The following AQP9 variants were observed in gnomAD, a reference collection of about 807,000 sequenced individuals.
The protein encoded by AQP9 is aquaporin 9, also known as aquaporin-9.
AQP9 carries 19 observed loss-of-function variants against 23.8 expected under a neutral mutation model. That is an observed-to-expected ratio of 0.80 (90% CI 0.56 to 1.17). The LOEUF is 1.17. Among genes scored for constraint, AQP9 ranks in the 50% most tolerant of loss-of-function variants. AQP9 has a pLI of 0.00. For missense variants in AQP9, 413 were observed against 362.0 expected, an observed-to-expected ratio of 1.14 and a Z score of -1.14; for synonymous variants, 153 against 131.5, an observed-to-expected ratio of 1.16 and a Z score of -1.12.
rs376510086 is a variant in AQP9 at position 58,160,510 on chromosome 15, T to A, written c.112-6163T>A. On this transcript the variant is annotated intron_variant, in intron 1 of 5. Coordinates refer to ENST00000219919, the MANE Select transcript of AQP9 (RefSeq NM_020980.5). ...TTTTGTGCCCTTGCTTAAGTTTAGA[T>A]ATTTTAATATCTTTCATCAAATATT... Among the ~76,000 whole-genome samples, 7 of 152,182 alleles carry A rather than the reference T, an allele frequency of 4.6e-5. No homozygotes were observed. In the East Asian group the frequency reaches 1.2e-3, roughly 25 times the overall value.
At chr15:58,181,579 T>C (rs964382562) in intron 5 of AQP9, among the ~76,000 whole-genome samples, 2 of 152,140 alleles carry the variant, frequency 1.3e-5, no homozygotes, top group Admixed American at 1.3e-4. Flanking sequence ...TCACAAGTGA[T>C]CTAGTCTAGC....
At chr15:58,156,466 C>T (rs547547820) in intron 1 of AQP9, among the ~76,000 whole-genome samples, 5 of 152,116 alleles carry the variant, frequency 3.3e-5, no homozygotes, top group South Asian at 2.1e-4. Context: ...TAAGCCAACA[C>T]GAATATCAAC....
chr15:58,178,352 A>C (rs1164908668), intron 4 of AQP9, among the ~76,000 whole-genome samples: 1 of 152,222 alleles, frequency 6.6e-6, no homozygotes, highest in East Asian at 1.9e-4. Flanking sequence ...CAGTAGACTA[A>C]AAAAAGAGTA....
At chr15:58,152,863 A>G (rs1898176884) in intron 1 of AQP9, 1 of 152,150 alleles carries the variant, frequency 6.6e-6, no homozygotes, top group Non-Finnish European at 1.5e-5. Context: ...TTTCCACAAT[A>G]TTTATCCCAG....
rs949502825 is a variant in AQP9, at chr15:58,184,217, C to T, written c.*82C>T. 38 of 1,452,184 alleles carry T rather than the reference C, an allele frequency of 2.6e-5. No homozygotes were observed. The South Asian group carries it at 4.9e-4, about 19-fold the overall frequency. The allele number at this position is 1,452,184 out of a possible 1,614,324, so 90.0% of individuals were successfully genotyped here. On this transcript the variant is annotated 3_prime_UTR_variant, in exon 6 of 6. Coordinates refer to ENST00000219919, the MANE Select transcript of AQP9 (RefSeq NM_020980.5). ...ATCTAAGTGTCTGTGTTCTTGTAAG[C>T]CTGAGGTGGAATCCACCCAGTTTTG...
At chr15:58,168,725 T>C (rs1043260091) in intron 2 of AQP9, among the ~76,000 whole-genome samples, 1 of 152,186 alleles carries the variant, frequency 6.6e-6, no homozygotes, top group Non-Finnish European at 1.5e-5. Context: ...GCTTTTGCTG[T>C]GATCCCAGCA....
intron 1 of AQP9, chr15:58,152,040 C>T (rs1226318469): frequency 1.3e-5 from 2 of 152,194 alleles, no homozygotes; most frequent in Non-Finnish European, 2.9e-5. Flanking sequence ...TGGCTATTCT[C>T]ATTTGAACCC....
intron 5 of AQP9, among the ~76,000 whole-genome samples, chr15:58,182,456 A>G (rs1233723890): frequency 6.6e-6 from 1 of 152,206 alleles, no homozygotes; most frequent in Non-Finnish European, 1.5e-5. Flanking sequence ...GCATCCAGCC[A>G]GTGAAGAGGA....
intron 1 of AQP9, among the ~76,000 whole-genome samples, chr15:58,156,708 C>G (rs1466421236): frequency 6.6e-6 from 1 of 152,134 alleles, no homozygotes; most frequent in Non-Finnish European, 1.5e-5. Flanking sequence ...ACTCAAAACT[C>G]AGGGCCTCAT....
intron 1 of AQP9, among the ~76,000 whole-genome samples, chr15:58,139,099 T>C (rs1317480528): frequency 6.6e-6 from 1 of 152,214 alleles, no homozygotes; most frequent in South Asian, 2.1e-4. Context: ...GGCAAAAATA[T>C]ACATATGGAT....
chr15:58,174,880 C>A, intron 3 of AQP9, 38 bp from the exon 4 acceptor site: 1 of 1,571,162 alleles, frequency 6.4e-7, no homozygotes, highest in South Asian at 1.1e-5. Context: ...CAACTCTTCC[C>A]AGGGAACACT....
rs151138687 is a variant in AQP9, at chr15:58,151,512, C to T, written c.111+12836C>T. On this transcript the variant is annotated intron_variant, in intron 1 of 5. Coordinates refer to ENST00000219919, the MANE Select transcript of AQP9 (RefSeq NM_020980.5). ...CTCTGACCCACTAACATCACCCCTT[C>T]TAATCTTAACAACCTATTACCTCTT... 5 of 152,222 alleles carry T rather than the reference C, an allele frequency of 3.3e-5. No homozygotes were observed. The East Asian group carries it at 9.6e-4, about 29-fold the overall frequency. The allele number at this position is 152,222 out of a possible 1,614,324, so 9.4% of individuals were successfully genotyped here.
chr15:58,148,177 TG>T (rs1210663703), intron 1 of AQP9, among the ~76,000 whole-genome samples: 1 of 152,160 alleles, frequency 6.6e-6, no homozygotes. Context: ...AAATCTGTTC[TG>T]AAAAACACTA....
chr15:58,151,155 C>T (rs1186188030), intron 1 of AQP9: 1 of 152,042 alleles, frequency 6.6e-6, no homozygotes, highest in African/African-American at 2.4e-5. Context: ...TATCAATACT[C>T]ATTATAATTA....
At position 58,140,461 on chromosome 15, in the gene AQP9, T is replaced by C. The variant is rs371128970; in HGVS notation, c.111+1785T>C. 1.3e-4 allele frequency among the ~76,000 whole-genome samples: 20 copies of C among 152,370 alleles called. No individual in the cohort carries two copies. The South Asian group carries it at 2.9e-3, about 22-fold the overall frequency. ...AAATATTTAATTTCCATTTATACTA[T>C]ACATTTATTTTCTAAAGTGAACCCT... On this transcript the variant is annotated intron_variant, in intron 1 of 5. Coordinates refer to ENST00000219919, the MANE Select transcript of AQP9 (RefSeq NM_020980.5).
At chr15:58,172,305 G>T (rs1183910507) in intron 2 of AQP9, among the ~76,000 whole-genome samples, 1 of 152,204 alleles carries the variant, frequency 6.6e-6, no homozygotes, top group Non-Finnish European at 1.5e-5. Flanking sequence ...ATGGTGTCTG[G>T]TAAGTATTTG....
At chr15:58,176,333 C>T (rs1424625946) in intron 4 of AQP9, among the ~76,000 whole-genome samples, 2 of 152,000 alleles carry the variant, frequency 1.3e-5, no homozygotes, top group African/African-American at 4.8e-5. Flanking sequence ...GCCTGGGCAA[C>T]ATGGCAAAAC....
intron 1 of AQP9, among the ~76,000 whole-genome samples, chr15:58,148,839 T>C (rs1476760883): frequency 6.6e-6 from 1 of 152,144 alleles, no homozygotes; most frequent in Non-Finnish European, 1.5e-5. Flanking sequence ...TTTTTTCTAC[T>C]TGGAGAGCAC....
At position 58,179,084 on chromosome 15, in the gene AQP9, G is replaced by A. The variant is rs1165734586; in HGVS notation, c.496-44G>A. 4 of 1,391,500 alleles carry A rather than the reference G, an allele frequency of 2.9e-6. No individual in the cohort carries two copies. The African/African-American group carries it at 4.3e-5, about 15-fold the overall frequency. The allele number at this position is 1,391,500 out of a possible 1,614,324, so 86.2% of individuals were successfully genotyped here. A position where few individuals can be genotyped will look rare whatever the true frequency, so the allele number is the denominator to read the frequency against. On this transcript the variant is annotated intron_variant, in intron 4 of 5. Transcript: ENST00000219919. ...GGATGATTTTGAGACATGCAGGTGA[G>A]CAGAATGCAGGCTAAAGCCCTGGCT...
Sources: allele counts gnomAD v4.1 joint callset (sites outside exome capture counted in the v4.1 genomes callset), GRCh38; gene constraint gnomAD v4.1.1; transcripts MANE v1.5; gene names NCBI Gene and HGNC (gene_info 2026-07-23, HGNC 2026-07-21).